Variants in NKAIN2 observed in about 807,000 individuals in gnomAD.
NKAIN2 encodes the protein sodium/potassium transporting ATPase interacting 2.
In NKAIN2, 14 loss-of-function variants were observed where a neutral mutation model predicts 32.6. That is an observed-to-expected ratio of 0.43 (90% CI 0.28 to 0.67). The LOEUF (loss-of-function observed/expected upper bound fraction) is 0.67, where lower values mean the gene tolerates loss of function less well. Ranked by LOEUF, NKAIN2 falls within the 30% of genes least tolerant of loss-of-function variation. The probability of loss-of-function intolerance (pLI) is 0.17; values close to 1 mark genes in which losing one functional copy is unlikely to be tolerated. For synonymous variants in NKAIN2, 80 were observed against 87.2 expected (o/e 0.92, Z 0.46); for missense variants, 198 against 258.3 (o/e 0.77, Z 1.60).
Position 123,857,462 on chromosome 6 carries a change from TG to T in NKAIN2, c.54+53209del, listed in dbSNP as rs146326642. On this transcript the variant is annotated intron_variant, in intron 1 of 6. Coordinates refer to ENST00000368417, the MANE Select transcript of NKAIN2 (RefSeq NM_001040214.3). ...ACCAATGTGTATAAACATGCAACTA[TG>T]TTTTTTTACAGTTATATTTAAGCAA... is the stretch of plus-strand genomic sequence containing the variant. Among the ~76,000 whole-genome samples the T allele has an allele frequency of 7.8e-3, 1,190 of 152,308 alleles. 12 individuals are homozygous for T. The highest frequency in any genetic ancestry group is 0.027 in the African/African-American group (1,120 of 41,556).
intron 3 of NKAIN2, among the ~76,000 whole-genome samples, chr6:124,553,933 A>G (rs1460381856): frequency 1.1e-4 from 16 of 152,188 alleles, no homozygotes; most frequent in Admixed American, 1.0e-3. Context: ...TAATAAGCTG[A>G]TAATTTTTAT....
chr6:124,309,145 A>G (rs1372272970), intron 2 of NKAIN2, among the ~76,000 whole-genome samples: 1 of 152,140 alleles, frequency 6.6e-6, no homozygotes, highest in East Asian at 1.9e-4. Context: ...TACTAGTGTA[A>G]CTTATAGAAA....
At chr6:123,938,397 TA>T (rs1562267157) in intron 1 of NKAIN2, among the ~76,000 whole-genome samples, 85 of 1,638 alleles carry the variant, frequency 0.052, no homozygotes, top group East Asian at 0.21. Flanking sequence ...TTGCAAGGGT[TA>T]TATATATATA....
intron 4 of NKAIN2, among the ~76,000 whole-genome samples, chr6:124,768,357 T>G (rs1778601557): frequency 1.3e-5 from 2 of 152,184 alleles, no homozygotes; most frequent in Admixed American, 1.3e-4. Flanking sequence ...TGTGGAAATA[T>G]AATGAATTTT....
chr6:124,786,406 C>A (rs375238900), intron 4 of NKAIN2, among the ~76,000 whole-genome samples: 1 of 152,046 alleles, frequency 6.6e-6, no homozygotes, highest in Non-Finnish European at 1.5e-5. Context: ...ATAGATTAAA[C>A]GCTAAGGTTG....
At chr6:124,132,595 C>T (rs1363136262) in intron 1 of NKAIN2, among the ~76,000 whole-genome samples, 3 of 152,322 alleles carry the variant, frequency 2.0e-5, no homozygotes, top group Non-Finnish European at 4.4e-5. Flanking sequence ...CCTGGCTAAC[C>T]GGAGGTCCTG....
chr6:124,309,976 A>C (rs958183175), intron 2 of NKAIN2, among the ~76,000 whole-genome samples: 52 of 152,140 alleles, frequency 3.4e-4, no homozygotes, highest in African/African-American at 1.1e-3. Context: ...AAAAGAGGTA[A>C]AATTACTTAG....
At chr6:123,813,542 T>C (rs186368698) in intron 1 of NKAIN2, among the ~76,000 whole-genome samples, 2 of 149,844 alleles carry the variant, frequency 1.3e-5, no homozygotes, top group East Asian at 3.8e-4. Context: ...CCAGGTGTGA[T>C]GGCTCATGCC....
Position 124,160,971 on chromosome 6 carries a change from T to C in NKAIN2, c.55-122034T>C, listed in dbSNP as rs1261992196. 2.6e-5 allele frequency among the ~76,000 whole-genome samples: 4 copies of C among 152,190 alleles called. No homozygotes were observed. The East Asian group carries it at 5.8e-4, about 22-fold the overall frequency. ...CTTAGATATAAAATTTCTATATATA[T>C]AGATTGTGAACTGGAGCATTTTTAT... On this transcript the variant is annotated intron_variant, in intron 1 of 6. Coordinates refer to ENST00000368417, the MANE Select transcript of NKAIN2 (RefSeq NM_001040214.3).
At position 123,906,080 on chromosome 6, in the gene NKAIN2, C is replaced by T. The variant is rs929136700; in HGVS notation, c.54+101826C>T. ...AGATGAAAAATACTGGAATTAAAAA[C>T]CCATTATGAGAAAGAGTAAATTTGA... On this transcript the variant is annotated intron_variant, in intron 1 of 6. Coordinates refer to ENST00000368417, the MANE Select transcript of NKAIN2 (RefSeq NM_001040214.3). Among the ~76,000 whole-genome samples the T allele has an allele frequency of 3.9e-5, 6 of 152,162 alleles. No individual in the cohort carries two copies. The South Asian group carries it at 1.2e-3, about 32-fold the overall frequency.
chr6:124,260,334 G>A (rs1235671579), intron 1 of NKAIN2, among the ~76,000 whole-genome samples: 1 of 152,162 alleles, frequency 6.6e-6, no homozygotes, highest in East Asian at 1.9e-4. Context: ...AAATGCAAAC[G>A]AGAAATAATA....
chr6:124,393,820 A>G (rs1730016475), intron 3 of NKAIN2, among the ~76,000 whole-genome samples: 1 of 152,192 alleles, frequency 6.6e-6, no homozygotes, highest in Non-Finnish European at 1.5e-5. Flanking sequence ...TGCGCATTAT[A>G]TGCCACTCAG....
intron 4 of NKAIN2, among the ~76,000 whole-genome samples, chr6:124,750,758 T>G (rs1325780550): frequency 6.6e-6 from 1 of 152,036 alleles, no homozygotes; most frequent in East Asian, 1.9e-4. Context: ...TTTCATTTCT[T>G]TGCTACCTTC....
intron 6 of NKAIN2, 72 bp from the exon 7 acceptor site, chr6:124,823,148 T>G: frequency 9.8e-7 from 1 of 1,022,492 alleles, no homozygotes; most frequent in Non-Finnish European, 1.6e-6. Context: ...CTTGGAAAGG[T>G]GAGAAAAGGT....
chr6:124,642,253 C>T (rs990563119), intron 3 of NKAIN2, among the ~76,000 whole-genome samples: 1 of 152,162 alleles, frequency 6.6e-6, no homozygotes, highest in Admixed American at 6.5e-5. Flanking sequence ...TGGTTATCTT[C>T]TCAAAACCAT....
intron 3 of NKAIN2, among the ~76,000 whole-genome samples, chr6:124,428,221 A>G (rs1775065168): frequency 6.6e-6 from 1 of 152,138 alleles, no homozygotes; most frequent in African/African-American, 2.4e-5. Context: ...CCTAAGTACC[A>G]TAAACTGAGT....
At chr6:124,700,879 C>T (rs1470340979) in intron 4 of NKAIN2, among the ~76,000 whole-genome samples, 1 of 150,600 alleles carries the variant, frequency 6.6e-6, no homozygotes, top group East Asian at 1.9e-4. Context: ...CTGACACACA[C>T]ACACACACAC....
chr6:123,929,689 G>A (rs912508976), intron 1 of NKAIN2, among the ~76,000 whole-genome samples: 5 of 151,972 alleles, frequency 3.3e-5, no homozygotes, highest in East Asian at 1.9e-4. Context: ...ACCATAATAC[G>A]TAGAGCAAAC....
intron 1 of NKAIN2, among the ~76,000 whole-genome samples, chr6:124,126,844 A>G (rs1311271828): frequency 6.6e-6 from 1 of 152,108 alleles, no homozygotes; most frequent in Admixed American, 6.6e-5. Context: ...AGTCCCAGCT[A>G]CTCTGGGGAC....
Sources: allele counts gnomAD v4.1 joint callset (sites outside exome capture counted in the v4.1 genomes callset), GRCh38; gene constraint gnomAD v4.1.1; transcripts MANE v1.5; gene names NCBI Gene and HGNC (gene_info 2026-07-23, HGNC 2026-07-21).